PTPRD: variants seen among roughly 807,000 people sequenced by gnomAD.
PTPRD encodes the protein receptor-type tyrosine-protein phosphatase delta.
PTPRD carries 34 observed loss-of-function variants against 214.5 expected under a neutral mutation model. The observed-to-expected ratio is 0.16, with a 90% CI of 0.12 to 0.21. The LOEUF (loss-of-function observed/expected upper bound fraction) is 0.21, where lower values mean the gene tolerates loss of function less well. Ranked by LOEUF, PTPRD falls within the 10% of genes least tolerant of loss-of-function variation. The pLI, the probability that PTPRD is intolerant of heterozygous loss-of-function variation, is 1.00. For missense variants in PTPRD, 2,545 were observed against 2,398.7 expected, an observed-to-expected ratio of 1.06 and a Z score of -1.27; for synonymous variants, 1,128 against 845.7, an observed-to-expected ratio of 1.33 and a Z score of -5.79.
At chr9:8,892,717 GTA>G (rs112911500) in intron 11 of PTPRD, among the ~76,000 whole-genome samples, 19,687 of 139,906 alleles carry the variant, frequency 0.14, 1,853 homozygotes, top group African/African-American at 0.27. Flanking sequence ...GCGTATATGT[GTA>G]TATATATATA....
intron 3 of PTPRD, among the ~76,000 whole-genome samples, chr9:10,142,918 A>C (rs2154268806): frequency 6.6e-6 from 1 of 151,004 alleles, no homozygotes; most frequent in South Asian, 2.1e-4. Flanking sequence ...AATGTGGCAC[A>C]TATACACCAT....
chr9:10,258,149 T>C (rs1595531580), intron 3 of PTPRD, among the ~76,000 whole-genome samples: 1 of 152,206 alleles, frequency 6.6e-6, no homozygotes, highest in Admixed American at 6.5e-5. Flanking sequence ...TCCCAACAGA[T>C]ATCCTTTCTC....
chr9:9,960,028 G>A (rs182067862), intron 4 of PTPRD, among the ~76,000 whole-genome samples: 8 of 152,228 alleles, frequency 5.3e-5, no homozygotes, highest in African/African-American at 1.9e-4. Flanking sequence ...AACATGCCTA[G>A]CACCCTGATA....
At chr9:9,139,153 T>C (rs1383174506) in intron 10 of PTPRD, among the ~76,000 whole-genome samples, 2 of 144,184 alleles carry the variant, frequency 1.4e-5, no homozygotes, top group Non-Finnish European at 3.0e-5. Flanking sequence ...TCCTAGTGAA[T>C]ACCTGGAACT....
At chr9:10,078,707 G>A (rs889573251) in intron 3 of PTPRD, among the ~76,000 whole-genome samples, 8 of 151,890 alleles carry the variant, frequency 5.3e-5, no homozygotes, top group African/African-American at 1.2e-4. Flanking sequence ...AATCTCCACA[G>A]TTCTCTTCTG....
intron 7 of PTPRD, among the ~76,000 whole-genome samples, chr9:9,609,517 C>A (rs937943067): frequency 2.0e-5 from 3 of 152,176 alleles, no homozygotes; most frequent in Admixed American, 6.5e-5. Context: ...GGGTAGAGTG[C>A]AGTGGTGCAA....
intron 2 of PTPRD, among the ~76,000 whole-genome samples, chr9:10,432,161 T>C (rs1276272619): frequency 6.6e-6 from 1 of 151,548 alleles, no homozygotes; most frequent in Admixed American, 6.6e-5. Flanking sequence ...TTGGAAATCA[T>C]CATTCTCAGT....
intron 35 of PTPRD, among the ~76,000 whole-genome samples, chr9:8,405,512 A>G (rs1383115209): frequency 6.6e-6 from 1 of 152,144 alleles, no homozygotes; most frequent in East Asian, 1.9e-4. Context: ...TTTAAGTAGA[A>G]TCATCATTTC....
chr9:10,500,574 T>C (rs2043355506), intron 2 of PTPRD, among the ~76,000 whole-genome samples: 1 of 151,904 alleles, frequency 6.6e-6, no homozygotes, highest in African/African-American at 2.4e-5. Flanking sequence ...CTTTTAGCTA[T>C]CTTAAAATGT....
At chr9:8,985,724 T>G (rs1049978898) in intron 11 of PTPRD, among the ~76,000 whole-genome samples, 9 of 151,982 alleles carry the variant, frequency 5.9e-5, no homozygotes, top group African/African-American at 1.7e-4. Flanking sequence ...CCAACGTCTA[T>G]GAGAAGTTAT....
intron 12 of PTPRD, among the ~76,000 whole-genome samples, chr9:8,723,789 CA>C (rs1317607151): frequency 6.6e-6 from 1 of 151,914 alleles, no homozygotes; most frequent in African/African-American, 2.4e-5. Flanking sequence ...TCTTTACACA[CA>C]AAAAAACTAA....
chr9:8,638,594 G>A (rs2096499500), intron 12 of PTPRD, among the ~76,000 whole-genome samples: 1 of 152,142 alleles, frequency 6.6e-6, no homozygotes, highest in African/African-American at 2.4e-5. Context: ...TCCAAAGGAG[G>A]GAAGTTCAGA....
Position 9,860,083 on chromosome 9 carries a change from G to A in PTPRD, c.-368+78424C>T, listed in dbSNP as rs943622926. ...AACATATATGCACACAATGAATAAA[G>A]TAAAATTCACATGGCCATGAACAAT... On this transcript the variant is annotated intron_variant, in intron 5 of 45. Transcript: ENST00000381196. Among the ~76,000 whole-genome samples, 6 of 152,096 alleles carry A rather than the reference G, an allele frequency of 3.9e-5. No homozygotes were observed. In the East Asian group the frequency reaches 1.2e-3, roughly 29 times the overall value.
intron 11 of PTPRD, among the ~76,000 whole-genome samples, chr9:8,841,739 C>T (rs975706331): frequency 8.6e-5 from 13 of 151,406 alleles, no homozygotes; most frequent in Admixed American, 2.6e-4. Flanking sequence ...CAGCCTGGCA[C>T]GGTGGCTCAC....
chr9:9,112,309 T>G (rs973288078), intron 10 of PTPRD, among the ~76,000 whole-genome samples: 2 of 152,166 alleles, frequency 1.3e-5, no homozygotes, highest in African/African-American at 4.8e-5. Flanking sequence ...TCTGGATGAC[T>G]GTTTTAGAGG....
chr9:9,959,250 C>T (rs12347529), intron 4 of PTPRD, among the ~76,000 whole-genome samples: 6,043 of 152,152 alleles, frequency 0.04, 146 homozygotes, highest in Non-Finnish European at 0.058. Flanking sequence ...TGAGAGCTGA[C>T]ATATTTGTGA....
At chr9:8,678,490 C>A (rs1195551873) in intron 12 of PTPRD, among the ~76,000 whole-genome samples, 14 of 152,088 alleles carry the variant, frequency 9.2e-5, no homozygotes, top group Admixed American at 8.5e-4. Context: ...CTCCCCCAGC[C>A]CCCTTCACTT....
chr9:9,693,433 C>G (rs985681999), intron 7 of PTPRD, among the ~76,000 whole-genome samples: 2 of 152,122 alleles, frequency 1.3e-5, no homozygotes, highest in Admixed American at 1.3e-4. Flanking sequence ...TCTTCTTCCA[C>G]CATAATTGTA....
intron 2 of PTPRD, among the ~76,000 whole-genome samples, chr9:10,381,024 G>C (rs1279327333): frequency 6.6e-6 from 1 of 151,640 alleles, no homozygotes; most frequent in African/African-American, 2.4e-5. Flanking sequence ...AGAATGGAGA[G>C]AGATTAGTAG....
Sources: allele counts gnomAD v4.1 joint callset (sites outside exome capture counted in the v4.1 genomes callset), GRCh38; gene constraint gnomAD v4.1.1; transcripts MANE v1.5; gene names NCBI Gene and HGNC (gene_info 2026-07-23, HGNC 2026-07-21).